The following ZNF536 variants were observed in gnomAD, a reference collection of about 807,000 sequenced individuals.
ZNF536 encodes zinc finger protein 536.
A neutral mutation model predicts 84.5 loss-of-function variants in ZNF536; 13 were observed. That is an observed-to-expected ratio of 0.15 (90% confidence interval 0.10 to 0.24). ZNF536 has a LOEUF of 0.24. Among genes scored for constraint, ZNF536 ranks in the 10% least tolerant of loss-of-function variants. The pLI is 1.00. For missense variants in ZNF536, 1,536 were observed against 1,747.5 expected (o/e 0.88, Z 2.16); for synonymous variants, 811 against 742.5 (o/e 1.09, Z -1.50).
chr19:30,359,524 A>G (rs940123701), intron 3 of ZNF536, among the ~76,000 whole-genome samples: 2 of 152,114 alleles, frequency 1.3e-5, no homozygotes, highest in African/African-American at 4.8e-5. Flanking sequence ...AGAAGTCCCT[A>G]TCTTCTGGGG....
intron 1 of ZNF536, among the ~76,000 whole-genome samples, chr19:30,442,904 A>ATATTACTGCAC (rs2052121232): frequency 1.3e-5 from 2 of 152,210 alleles, no homozygotes; most frequent in Non-Finnish European, 2.9e-5. Context: ...GCTTAATGAG[A>ATATTACTGCAC]TATTACTGCA....
chr19:30,580,325 T>G (rs2046876637), intron 1 of ZNF536, among the ~76,000 whole-genome samples: 1 of 152,214 alleles, frequency 6.6e-6, no homozygotes, highest in African/African-American at 2.4e-5. Context: ...CCTATGGTCT[T>G]GCAGCGAGTT....
chr19:30,404,374 C>A (rs1381954359), intron 1 of ZNF536, among the ~76,000 whole-genome samples: 3 of 152,210 alleles, frequency 2.0e-5, no homozygotes, highest in Non-Finnish European at 4.4e-5. Context: ...TCCTCAACTG[C>A]AGGCCACTTG....
intron 4 of ZNF536, chr19:30,556,725 G>C (rs1056369519): frequency 6.4e-6 from 1 of 155,752 alleles, no homozygotes; most frequent in South Asian, 2.0e-4. Flanking sequence ...GGCTCCAAAA[G>C]CTACTGGCTG....
intron 2 of ZNF536, among the ~76,000 whole-genome samples, chr19:30,346,102 T>C (rs2047733288): frequency 6.6e-6 from 1 of 152,090 alleles, no homozygotes; most frequent in Non-Finnish European, 1.5e-5. Flanking sequence ...GGAAAGGCTG[T>C]AGGACAGTGG....
intron 1 of ZNF536, among the ~76,000 whole-genome samples, chr19:30,277,588 TG>T (rs1466621300): frequency 1.2e-4 from 18 of 152,360 alleles, no homozygotes; most frequent in Admixed American, 9.8e-4. Context: ...CGTATGATGC[TG>T]GGCTCTGTGT....
chr19:30,704,444 C>T (rs377421432), intron 1 of ZNF536, among the ~76,000 whole-genome samples: 3 of 151,810 alleles, frequency 2.0e-5, no homozygotes, highest in Admixed American at 6.6e-5. Flanking sequence ...GTCAGGAGTT[C>T]GAGACTAACC....
At chr19:30,569,302 A>C (rs1317746407) in intron 1 of ZNF536, among the ~76,000 whole-genome samples, 1 of 152,090 alleles carries the variant, frequency 6.6e-6, no homozygotes, top group Non-Finnish European at 1.5e-5. Flanking sequence ...GCTAGAGGAA[A>C]GTCTGGGCTA....
At chr19:30,687,587 G>A (rs533095681) in intron 1 of ZNF536, among the ~76,000 whole-genome samples, 3 of 152,276 alleles carry the variant, frequency 2.0e-5, no homozygotes, top group Admixed American at 6.5e-5. Flanking sequence ...TCAAGGTCAC[G>A]TTCACTTTCA....
At chr19:30,619,623 C>T (rs61329717) in intron 1 of ZNF536, among the ~76,000 whole-genome samples, 21,196 of 152,192 alleles carry the variant, frequency 0.14, 1,551 homozygotes, top group African/African-American at 0.17. Flanking sequence ...CAGAGCTCAC[C>T]GACTCACATG....
intron 1 of ZNF536, among the ~76,000 whole-genome samples, chr19:30,690,685 C>T (rs2051371875): frequency 1.3e-5 from 2 of 152,096 alleles, no homozygotes; most frequent in South Asian, 4.1e-4. Context: ...TACCCAGCTG[C>T]CCCATTTCCT....
At chr19:30,488,721 C>G (rs961470317) in intron 2 of ZNF536, among the ~76,000 whole-genome samples, 2 of 152,060 alleles carry the variant, frequency 1.3e-5, no homozygotes, top group Non-Finnish European at 2.9e-5. Flanking sequence ...GAATCTGTGC[C>G]GAAGAGAGTT....
intron 1 of ZNF536, among the ~76,000 whole-genome samples, chr19:30,415,011 C>T (rs1389846270): frequency 6.6e-6 from 1 of 152,110 alleles, no homozygotes; most frequent in African/African-American, 2.4e-5. Context: ...TTGTCTTCTT[C>T]CTCTTCTTTT....
chr19:30,541,575 A>T (rs2045335038), intron 3 of ZNF536, among the ~76,000 whole-genome samples: 1 of 152,102 alleles, frequency 6.6e-6, no homozygotes, highest in Non-Finnish European at 1.5e-5. Flanking sequence ...AAAATAATTG[A>T]TTGAATTTAA....
intron 2 of ZNF536, among the ~76,000 whole-genome samples, chr19:30,502,328 T>C (rs1437920207): frequency 1.3e-5 from 2 of 152,154 alleles, no homozygotes; most frequent in Non-Finnish European, 2.9e-5. Context: ...TAGGGCTGGC[T>C]GGCAGTGTGG....
intron 1 of ZNF536, among the ~76,000 whole-genome samples, chr19:30,280,220 C>T (rs1246266350): frequency 6.6e-6 from 1 of 152,118 alleles, no homozygotes; most frequent in Non-Finnish European, 1.5e-5. Context: ...ATCCTCCCTT[C>T]CACCTTCAGA....
chr19:30,527,579 T>C (rs1055862184), intron 2 of ZNF536, among the ~76,000 whole-genome samples: 5 of 152,136 alleles, frequency 3.3e-5, no homozygotes, highest in South Asian at 4.2e-4. Context: ...CACCATAAAA[T>C]TGAGCACTCT....
chr19:30,362,947 T>A (rs149400266), intron 3 of ZNF536, among the ~76,000 whole-genome samples: 1 of 151,912 alleles, frequency 6.6e-6, no homozygotes, highest in Non-Finnish European at 1.5e-5. Flanking sequence ...TAGTCTCAGC[T>A]ACTTGGGAGG....
At position 30,635,145 on chromosome 19, in the gene ZNF536, T is replaced by C. The variant is rs117130076; in HGVS notation, c.170-75612T>C. On this transcript the variant is annotated intron_variant, in intron 1 of 1. Transcript: ENST00000592773. ...GGGACATACCATATCCCCATGCACA[T>C]TCGGCTGGTGTCCTTGTCTGGTTTG... 4.9e-4 allele frequency among the ~76,000 whole-genome samples: 74 copies of C among 152,224 alleles called. 1 individual carries two copies. In the East Asian group the frequency reaches 0.014, roughly 28 times the overall value.
Sources: allele counts gnomAD v4.1 joint callset (sites outside exome capture counted in the v4.1 genomes callset), GRCh38; gene constraint gnomAD v4.1.1; transcripts MANE v1.5; gene names NCBI Gene and HGNC (gene_info 2026-07-23, HGNC 2026-07-21).